FAAH2: variants seen among roughly 807,000 people sequenced by gnomAD.
FAAH2 encodes the protein fatty-acid amide hydrolase 2.
In FAAH2, 60 loss-of-function variants were observed where a neutral mutation model predicts 36.9. That is an observed-to-expected ratio of 1.63 (90% CI 1.32 to 2.02). FAAH2 has a LOEUF of 2.02. Ranked by LOEUF, FAAH2 falls within the 30% of genes most tolerant of loss-of-function variation. The pLI is 0.00. For synonymous variants in FAAH2, 214 were observed against 143.8 expected (o/e 1.49, Z -3.49); for missense variants, 689 against 397.5 (o/e 1.73, Z -6.23).
intron 7 of FAAH2, among the ~76,000 whole-genome samples, chrX:57,385,877 C>T (rs1223486062): frequency 1.0e-5 from 1 of 100,232 alleles, no homozygotes; most frequent in East Asian, 3.2e-4. Flanking sequence ...CACTGCACTC[C>T]AGCCTGGGCG....
At chrX:57,148,029 C>T in the FAAH2 span, among the ~76,000 whole-genome samples, 1 of 111,428 alleles carries the variant, frequency 9.0e-6, no homozygotes, top group African/African-American at 3.3e-5. Flanking sequence ...AATGTACATT[C>T]TGCAGCTGTT....
intron 5 of FAAH2, among the ~76,000 whole-genome samples, chrX:57,363,002 A>G (rs897086971): frequency 1.8e-5 from 2 of 111,547 alleles, no homozygotes; most frequent in African/African-American, 6.5e-5. Flanking sequence ...TTGAAGTTGA[A>G]TAATGTGATG....
chrX:57,380,803 G>A (rs767430403), intron 6 of FAAH2, 109 bp from the exon 7 acceptor site: 13 of 468,750 alleles, frequency 2.8e-5, no homozygotes, highest in Non-Finnish European at 4.7e-5. Context: ...GGCACACAGT[G>A]CTCAGGGAAA....
intron 8 of FAAH2, among the ~76,000 whole-genome samples, chrX:57,434,768 T>A (rs1433626760): frequency 9.0e-6 from 1 of 111,321 alleles, no homozygotes; most frequent in Non-Finnish European, 1.9e-5. Context: ...GATTTAGACA[T>A]CCAGATACAG....
chrX:57,358,171 T>G (rs2054206509), intron 5 of FAAH2, among the ~76,000 whole-genome samples: 1 of 110,257 alleles, frequency 9.1e-6, no homozygotes, highest in Non-Finnish European at 1.9e-5. Context: ...TTTTTTTAAA[T>G]TTTATTTAAA....
At chrX:57,303,224 A>G (rs1416362079) in intron 2 of FAAH2, among the ~76,000 whole-genome samples, 1 of 111,743 alleles carries the variant, frequency 8.9e-6, no homozygotes, top group African/African-American at 3.2e-5. Context: ...TGCATGAACA[A>G]ATATTGTGCC....
chrX:57,327,765 C>T (rs991634910), intron 3 of FAAH2, among the ~76,000 whole-genome samples: 1 of 111,051 alleles, frequency 9.0e-6, no homozygotes, highest in South Asian at 3.8e-4. Flanking sequence ...GTTTTTTTAA[C>T]TTCTTTGCCA....
At chrX:57,147,506 A>T in the FAAH2 span, among the ~76,000 whole-genome samples, 1 of 111,662 alleles carries the variant, frequency 9.0e-6, no homozygotes, top group African/African-American at 3.2e-5. Context: ...TAAAAGAACC[A>T]GCTTTTTGTT....
At chrX:57,180,390 A>T in the FAAH2 span, among the ~76,000 whole-genome samples, 13 of 111,725 alleles carry the variant, frequency 1.2e-4, no homozygotes, top group Admixed American at 2.9e-4. Flanking sequence ...AGCAGAGAAG[A>T]TTCAAATGAA....
the FAAH2 span, among the ~76,000 whole-genome samples, chrX:57,213,677 T>A: frequency 8.9e-6 from 1 of 112,322 alleles, no homozygotes. Context: ...TGTGTTCCAC[T>A]GTTGTTTGTA....
chrX:57,264,403 C>T, the FAAH2 span, among the ~76,000 whole-genome samples: 3 of 112,404 alleles, frequency 2.7e-5, no homozygotes, highest in Admixed American at 2.8e-4. Context: ...AAAGAAGACG[C>T]ATATGCGGCC....
intron 3 of FAAH2, among the ~76,000 whole-genome samples, chrX:57,324,941 G>C: frequency 8.9e-6 from 1 of 112,168 alleles, no homozygotes; most frequent in Non-Finnish European, 1.9e-5. Flanking sequence ...AATACTTCCA[G>C]TTTTTGCCCA....
At chrX:57,243,848 G>T in the FAAH2 span, among the ~76,000 whole-genome samples, 6 of 110,474 alleles carry the variant, frequency 5.4e-5, no homozygotes, top group Non-Finnish European at 9.4e-5. Context: ...CTCCTCCAAA[G>T]GATCACAATT....
the FAAH2 span, among the ~76,000 whole-genome samples, chrX:57,173,644 T>C: frequency 1.8e-5 from 2 of 112,074 alleles, no homozygotes; most frequent in African/African-American, 6.5e-5. Context: ...GGCAACCTTG[T>C]TCCAATTCTT....
At chrX:57,469,118 C>G (rs1385381412) in intron 10 of FAAH2, among the ~76,000 whole-genome samples, 1 of 111,995 alleles carries the variant, frequency 8.9e-6, no homozygotes, top group African/African-American at 3.2e-5. Context: ...TGGAAAGGAA[C>G]AACTGGTAAC....
At chrX:57,365,266 T>C (rs1051801050) in intron 5 of FAAH2, among the ~76,000 whole-genome samples, 6 of 112,106 alleles carry the variant, frequency 5.4e-5, no homozygotes, top group African/African-American at 1.9e-4. Context: ...TTAACAAATT[T>C]TGTAGCATTT....
intron 7 of FAAH2, among the ~76,000 whole-genome samples, chrX:57,406,314 A>T (rs1362419342): frequency 1.8e-5 from 2 of 112,234 alleles, no homozygotes; most frequent in Non-Finnish European, 3.8e-5. Flanking sequence ...GGGAGTGCAG[A>T]GCTCTCAGAA....
intron 2 of FAAH2, among the ~76,000 whole-genome samples, 185 bp from the exon 3 acceptor site, chrX:57,310,408 G>C (rs73626264): frequency 9.0e-6 from 1 of 111,729 alleles, no homozygotes; most frequent in Non-Finnish European, 1.9e-5. Flanking sequence ...TTGGATTACT[G>C]TTCTTATGAT....
intron 10 of FAAH2, among the ~76,000 whole-genome samples, chrX:57,458,397 G>A (rs1250363198): frequency 1.8e-5 from 2 of 111,422 alleles, no homozygotes; most frequent in Admixed American, 9.5e-5. Flanking sequence ...GGAGGCTGAG[G>A]CAGGAGAATC....
Sources: gnomAD v4.1 joint callset for allele counts (sites outside exome capture counted in the v4.1 genomes callset) on GRCh38, gnomAD v4.1.1 for gene constraint, MANE v1.5 for transcripts, NCBI Gene and HGNC (gene_info 2026-07-23, HGNC 2026-07-21) for gene names.